The following PTDSS2 variants were observed in gnomAD, a reference collection of about 807,000 sequenced individuals.
PTDSS2 encodes PSS-2.
PTDSS2 carries 41 observed loss-of-function variants against 64.7 expected under a neutral mutation model. That is an observed-to-expected ratio of 0.63 (90% CI 0.49 to 0.82). The LOEUF (loss-of-function observed/expected upper bound fraction) is 0.82, where lower values mean the gene tolerates loss of function less well. Among genes scored for constraint, PTDSS2 ranks in the 40% least tolerant of loss-of-function variants. The probability of loss-of-function intolerance (pLI) is 0.00; values close to 1 mark genes in which losing one functional copy is unlikely to be tolerated. For synonymous variants in PTDSS2, 297 were observed against 277.8 expected (o/e 1.07, Z -0.69); for missense variants, 485 against 650.0 (o/e 0.75, Z 2.76).
chr11:487,026 C>T lies in PTDSS2; in HGVS notation c.523C>T (p.Leu175Phe). The T allele has an allele frequency of 6.2e-7, 1 of 1,613,620 alleles. No individual in the cohort carries two copies. Among genetic ancestry groups the T allele is most frequent in the South Asian group, 1.1e-5 (1 of 91,064 alleles). ...AGAGAGAGACTACGGGGGAAACTGCCTCATCTACGACCCAGACAATGAGAC... is the reference window on the plus strand; with the variant it reads ...AGAGAGAGACTACGGGGGAAACTGCTTCATCTACGACCCAGACAATGAGAC... The part of the protein sequence containing the change: ...LPERDYGGNC[L>F]IYDPDNETDP... The change falls in exon 5 of 12, where the codon CTC becomes TTC. Residue 175 changes from leucine to phenylalanine, a missense_variant. By Grantham distance (22) the Leu-to-Phe change is conservative. Coordinates refer to ENST00000308020, the MANE Select transcript of PTDSS2 (RefSeq NM_030783.3).
upstream of PTDSS2, among the ~76,000 whole-genome samples, chr11:448,812 C>G (rs574049635): frequency 6.6e-6 from 1 of 152,312 alleles, no homozygotes; most frequent in South Asian, 2.1e-4. Context: ...TGCAGTTCAC[C>G]CATTCAACTC....
At chr11:456,167 A>AT (rs1590607987) in intron 1 of PTDSS2, among the ~76,000 whole-genome samples, 1 of 113,448 alleles carries the variant, frequency 8.8e-6, no homozygotes, top group African/African-American at 3.3e-5. Flanking sequence ...GTTTTCTTTC[A>AT]TTCTTTTTTT....
At chr11:456,630 C>G (rs1170875449) in intron 1 of PTDSS2, among the ~76,000 whole-genome samples, 1 of 152,184 alleles carries the variant, frequency 6.6e-6, no homozygotes, top group African/African-American at 2.4e-5. Context: ...CAGCCCGTTT[C>G]CCCTCAAGGG....
chr11:465,671 T>C (rs1303095741), intron 2 of PTDSS2, among the ~76,000 whole-genome samples: 1 of 152,014 alleles, frequency 6.6e-6, no homozygotes, highest in African/African-American at 2.4e-5. Context: ...ATGCCCTTAA[T>C]CCTAGCACTT....
At chr11:474,120 T>C in intron 3 of PTDSS2, 143 bp downstream of exon 3, 1 of 741,666 alleles carries the variant, frequency 1.3e-6, no homozygotes. Context: ...ACTTCCCACA[T>C]GGACAAGGGC....
intron 4 of PTDSS2, among the ~76,000 whole-genome samples, chr11:480,804 A>C (rs1848034147): frequency 6.6e-6 from 1 of 152,250 alleles, no homozygotes; most frequent in East Asian, 1.9e-4. Flanking sequence ...CTGCATTGAC[A>C]GGGCACGGTG....
At chr11:474,962 A>C (rs2133805550) in intron 3 of PTDSS2, among the ~76,000 whole-genome samples, 1 of 147,156 alleles carries the variant, frequency 6.8e-6, no homozygotes, top group South Asian at 2.1e-4. Flanking sequence ...GTCTTTGTGT[A>C]TATGGACATG....
rs962843424 is a variant in PTDSS2, at chr11:476,942, C to G, written c.368-2143C>G. Among the ~76,000 whole-genome samples the G allele has an allele frequency of 2.6e-5, 4 of 152,134 alleles. No individual in the cohort carries two copies. The highest frequency in any genetic ancestry group is 5.9e-5 in the Non-Finnish European group (4 of 68,024). On this transcript the variant is annotated intron_variant, in intron 3 of 11. Transcript: ENST00000308020. The surrounding 1 kb of genome is among the most constrained non-coding windows in gnomAD (Gnocchi z 4.9). ...CGCGTCTTGTTAACTTGGGGGCCGG[C>G]AGGGAGCCCTCAACTCTCTGCAGTC...
Position 473,987 on chromosome 11 carries a change from C to T in PTDSS2, c.367+10C>T, listed in dbSNP as rs752497541. ...TCCAGACCTCATCCAGGTAACTTGC[C>T]ATTTCCTTTTCCGTGTGCCCCTGTG... On this transcript the variant is annotated intron_variant, in intron 3 of 11. Transcript: ENST00000308020. The T allele has an allele frequency of 1.9e-6, 3 of 1,609,304 alleles. No individual in the cohort carries two copies. Among genetic ancestry groups the T allele is most frequent in the Non-Finnish European group, 2.6e-6 (3 of 1,175,582 alleles).
intron 1 of PTDSS2, chr11:459,812 A>G (rs1846788719): frequency 4.6e-6 from 1 of 217,638 alleles, no homozygotes; most frequent in Non-Finnish European, 9.4e-6. Flanking sequence ...CATGAACCCA[A>G]AGAGTTGTTG....
In PTDSS2 at chr11:490,663, C is replaced by A. The variant is rs1039186841; in HGVS notation, c.*81C>A. ...CCTGTGTGAGTCCCACCAGGAGCCA[C>A]GTGCCCGGCCTTGCCCTCAAGGTTT... On this transcript the variant is annotated 3_prime_UTR_variant, in exon 12 of 12. Coordinates refer to ENST00000308020, the MANE Select transcript of PTDSS2 (RefSeq NM_030783.3). 1 of 1,403,482 alleles carries A rather than the reference C, an allele frequency of 7.1e-7. No homozygotes were observed. The highest frequency in any genetic ancestry group is 9.6e-7 in the Non-Finnish European group (1 of 1,046,726). The allele number at this position is 1,403,482 out of a possible 1,614,324, so 86.9% of individuals were successfully genotyped here. A position where few individuals can be genotyped will look rare whatever the true frequency, so the allele number is the denominator to read the frequency against.
At chr11:475,564 T>C (rs1564980541) in intron 3 of PTDSS2, among the ~76,000 whole-genome samples, 1 of 152,224 alleles carries the variant, frequency 6.6e-6, no homozygotes. Flanking sequence ...GTAGGACATA[T>C]TCACGCGTTT....
intron 3 of PTDSS2, among the ~76,000 whole-genome samples, chr11:477,404 G>A (rs1847853940): frequency 6.6e-6 from 1 of 152,186 alleles, no homozygotes; most frequent in South Asian, 2.1e-4. Flanking sequence ...ATGAGTGCTG[G>A]GGCCTGGGGG....
In PTDSS2 at chr11:460,133, T is replaced by G. The variant is rs1156422699; in HGVS notation, c.183-54T>G. ...GGATTTGGGGCCTGTTACGTGAGTA[T>G]TTAGCAATGCTGCCCAAGCTCTGAC... On this transcript the variant is annotated intron_variant, in intron 1 of 11. Coordinates refer to ENST00000308020, the MANE Select transcript of PTDSS2 (RefSeq NM_030783.3). This position sits in a 1 kb window ranked among gnomAD's most constrained non-coding sequence, Gnocchi z 5.8. 2.1e-6 allele frequency: 3 copies of G among 1,440,368 alleles called. No homozygotes were observed. The highest frequency in any genetic ancestry group is 2.9e-6 in the Non-Finnish European group (3 of 1,024,382). The allele number at this position is 1,440,368 out of a possible 1,614,324, so 89.2% of individuals were successfully genotyped here.
At chr11:486,019 T>C (rs1437005067) in intron 4 of PTDSS2, among the ~76,000 whole-genome samples, 2 of 141,444 alleles carry the variant, frequency 1.4e-5, no homozygotes, top group East Asian at 4.3e-4. Context: ...GCGCGCGTGC[T>C]CACCGTGTGC....
intron 2 of PTDSS2, among the ~76,000 whole-genome samples, chr11:468,163 C>T (rs1182929957): frequency 3.3e-5 from 5 of 152,178 alleles, no homozygotes; most frequent in Admixed American, 6.5e-5. Context: ...CCACTGCGAC[C>T]GGGAGGAACC....
rs749867975 is a variant in PTDSS2, at chr11:490,462, G to A, written c.1344G>A (p.Trp448Ter). The A allele has an allele frequency of 6.2e-7, 1 of 1,613,120 alleles. No homozygotes were observed. The highest frequency in any genetic ancestry group is 8.5e-7 in the Non-Finnish European group (1 of 1,179,966). Residue 448 changes from tryptophan (W) to a stop codon, truncating the protein, a stop_gained, in exon 12 of 12, where the codon TGG (tryptophan) becomes TGA (stop). Transcript: ENST00000308020. LOFTEE classifies it low-confidence loss of function (END_TRUNC). The part of the protein sequence containing the change: ...LRYKETRWQK[W>*]QNKDDQGSTV... ...ACAAGGAGACCCGGTGGCAGAAGTG[G>A]CAGAACAAGGATGACCAGGGCAGCA...
In PTDSS2 at chr11:479,077, C is replaced by G. The variant is rs1847945346; in HGVS notation, c.368-8C>G. 2 of 1,613,748 alleles carry G rather than the reference C, an allele frequency of 1.2e-6. No homozygotes were observed. Among genetic ancestry groups the G allele is most frequent in the Admixed American group, 1.7e-5 (1 of 60,006 alleles). ...GGCGCACTAACGTTCTGTCGTCTGT[C>G]TTTGTAGCTTACTGGAGGTTTTGGC... On this transcript the variant is annotated splice_region_variant and splice_polypyrimidine_tract_variant and intron_variant, in intron 3 of 11. Transcript: ENST00000308020. The surrounding 1 kb of genome is among the most constrained non-coding windows in gnomAD (Gnocchi z 4.2).
chr11:478,031 C>T (rs1165156797), intron 3 of PTDSS2, among the ~76,000 whole-genome samples: 1 of 152,186 alleles, frequency 6.6e-6, no homozygotes, highest in South Asian at 2.1e-4. Flanking sequence ...GCGTTTAGTC[C>T]GAAAACCTCA....
Sources: allele counts gnomAD v4.1 joint callset (sites outside exome capture counted in the v4.1 genomes callset), GRCh38; gene constraint gnomAD v4.1.1; non-coding constraint Gnocchi (gnomAD v3.1); transcripts MANE v1.5; gene names NCBI Gene and HGNC (gene_info 2026-07-23, HGNC 2026-07-21).